CMC1: variants seen among roughly 807,000 people sequenced by gnomAD.
CMC1 encodes the protein C-X9-C motif containing 1.
Under a neutral mutation model 14.1 loss-of-function variants are expected in CMC1, and 14 were observed. The ratio of observed to expected loss-of-function variants is 0.99; its 90% CI spans 0.66 to 1.55. The LOEUF is 1.55. Ranked by LOEUF, CMC1 falls within the 40% of genes most tolerant of loss-of-function variation. The probability of loss-of-function intolerance (pLI) is 0.00; values close to 1 mark genes in which losing one functional copy is unlikely to be tolerated. For missense variants in CMC1, 127 were observed against 123.8 expected (o/e 1.03, Z -0.12); for synonymous variants, 50 against 38.4 (o/e 1.30, Z -1.12).
At chr3:28,281,798 G>A (rs747205212) in intron 2 of CMC1, among the ~76,000 whole-genome samples, 4 of 152,132 alleles carry the variant, frequency 2.6e-5, no homozygotes, top group Non-Finnish European at 5.9e-5. Context: ...CTTGAAGTAC[G>A]GCTAATTATT....
At chr3:28,282,025 T>C (rs1700922093) in intron 2 of CMC1, among the ~76,000 whole-genome samples, 1 of 152,168 alleles carries the variant, frequency 6.6e-6, no homozygotes, top group African/African-American at 2.4e-5. Context: ...TAGATTTGAT[T>C]TCTGGTTAAA....
chr3:28,250,028 T>A (rs951984567), intron 1 of CMC1, among the ~76,000 whole-genome samples: 42 of 152,130 alleles, frequency 2.8e-4, no homozygotes, highest in Non-Finnish European at 7.4e-5. Flanking sequence ...AGGCCACTAA[T>A]CCTATCGAAT....
chr3:28,281,195 G>A (rs757648490), intron 2 of CMC1, among the ~76,000 whole-genome samples: 1 of 152,156 alleles, frequency 6.6e-6, no homozygotes, highest in Non-Finnish European at 1.5e-5. Context: ...ACATAAATGT[G>A]ACTGAAACAG....
At chr3:28,288,409 C>T (rs1281210963) in intron 2 of CMC1, among the ~76,000 whole-genome samples, 1 of 151,908 alleles carries the variant, frequency 6.6e-6, no homozygotes, top group African/African-American at 2.4e-5. Flanking sequence ...ATCTGAAAAT[C>T]CTGTTAAGAA....
intron 2 of CMC1, among the ~76,000 whole-genome samples, chr3:28,265,713 T>C (rs574813632): frequency 1.3e-5 from 2 of 152,272 alleles, no homozygotes; most frequent in East Asian, 3.9e-4. Flanking sequence ...AGCTTTTCCA[T>C]GGACAAAGAG....
At chr3:28,266,917 T>C (rs1227866699) in intron 2 of CMC1, among the ~76,000 whole-genome samples, 1 of 152,164 alleles carries the variant, frequency 6.6e-6, no homozygotes, top group East Asian at 1.9e-4. Flanking sequence ...ACTGAGTACA[T>C]TGGGAATGGA....
At chr3:28,268,175 C>G (rs1231190817) in intron 2 of CMC1, among the ~76,000 whole-genome samples, 1 of 152,152 alleles carries the variant, frequency 6.6e-6, no homozygotes, top group Non-Finnish European at 1.5e-5. Flanking sequence ...TCATGGGTTC[C>G]CAATCACCAT....
intron 2 of CMC1, chr3:28,293,058 T>A (rs1701558928): frequency 1.3e-5 from 2 of 152,200 alleles, no homozygotes; most frequent in South Asian, 4.1e-4. Flanking sequence ...TATCTATATA[T>A]GCTAAACATA....
chr3:28,276,129 A>G (rs1700579896), intron 2 of CMC1, among the ~76,000 whole-genome samples: 1 of 152,048 alleles, frequency 6.6e-6, no homozygotes, highest in African/African-American at 2.4e-5. Context: ...AGCCAGTCCC[A>G]GTGAGAAAAC....
chr3:28,299,824 A>G (rs1210525638), intron 2 of CMC1, among the ~76,000 whole-genome samples: 1 of 152,160 alleles, frequency 6.6e-6, no homozygotes, highest in Non-Finnish European at 1.5e-5. Flanking sequence ...CTTCAGAAAT[A>G]AAAATAGAGT....
chr3:28,324,418 C>T lies in CMC1; in HGVS notation c.*4789C>T, dbSNP rs1269689574. On this transcript the variant is annotated 3_prime_UTR_variant, in exon 4 of 4. Coordinates refer to ENST00000466830, the MANE Select transcript of CMC1 (RefSeq NM_182523.2). ...CATCAAGTGCAGTTTTGTGCTGTCT[C>T]TTCCAAGGTCTTCACTGCATCCTAC... 2 of 1,528,920 alleles carry T rather than the reference C, an allele frequency of 1.3e-6. No homozygotes were observed. Among genetic ancestry groups the T allele is most frequent in the Non-Finnish European group, 1.8e-6 (2 of 1,136,952 alleles). 94.7% of individuals were successfully genotyped at this position (1,528,920 alleles called of 1,614,324 possible).
At chr3:28,279,194 C>T (rs1252252499) in intron 2 of CMC1, among the ~76,000 whole-genome samples, 5 of 152,090 alleles carry the variant, frequency 3.3e-5, no homozygotes, top group African/African-American at 4.8e-5. Flanking sequence ...CTGGGTGAGT[C>T]CCCTGCCAGG....
intron 1 of CMC1, among the ~76,000 whole-genome samples, chr3:28,251,993 ATAAAG>A (rs1304946161): frequency 6.6e-6 from 1 of 152,264 alleles, no homozygotes; most frequent in East Asian, 1.9e-4. Flanking sequence ...GTTTTACCAA[ATAAAG>A]TAAATGTGAA....
At chr3:28,270,082 A>T (rs112810469) in intron 2 of CMC1, among the ~76,000 whole-genome samples, 3 of 152,050 alleles carry the variant, frequency 2.0e-5, no homozygotes, top group Non-Finnish European at 4.4e-5. Flanking sequence ...AGCTCCATCC[A>T]TGTCCCTCAT....
intron 3 of CMC1, chr3:28,319,187 T>G: frequency 2.2e-6 from 1 of 457,052 alleles, no homozygotes. Flanking sequence ...GTTTCCATGG[T>G]GCACTGGGCC....
chr3:28,304,099 T>C (rs1031121955), intron 2 of CMC1, among the ~76,000 whole-genome samples: 1 of 152,118 alleles, frequency 6.6e-6, no homozygotes, highest in Non-Finnish European at 1.5e-5. Flanking sequence ...TGGTCACCAT[T>C]AGACATACAT....
At chr3:28,250,812 T>A (rs1266766894) in intron 1 of CMC1, among the ~76,000 whole-genome samples, 1 of 152,204 alleles carries the variant, frequency 6.6e-6, no homozygotes, top group Non-Finnish European at 1.5e-5. Context: ...CTTGTGGGAT[T>A]GCCCCAGGAG....
intron 2 of CMC1, 171 bp from the exon 3 acceptor site, chr3:28,316,162 C>T: frequency 2.3e-6 from 1 of 437,430 alleles, no homozygotes; most frequent in Non-Finnish European, 4.1e-6. Context: ...ATGTGCCAAG[C>T]ACAATGTACA....
intron 2 of CMC1, among the ~76,000 whole-genome samples, chr3:28,313,641 C>T (rs1702749925): frequency 6.6e-6 from 1 of 152,158 alleles, no homozygotes; most frequent in South Asian, 2.1e-4. Context: ...CAGCTTAAGG[C>T]TTCAGGTCAG....
Sources: allele counts gnomAD v4.1 joint callset (sites outside exome capture counted in the v4.1 genomes callset), GRCh38; gene constraint gnomAD v4.1.1; transcripts MANE v1.5; gene names NCBI Gene and HGNC (gene_info 2026-07-23, HGNC 2026-07-21).